The following NOL4 variants were observed in gnomAD, a reference collection of about 807,000 sequenced individuals.
NOL4 encodes nucleolar protein 4.
In NOL4, 17 loss-of-function variants were observed where a neutral mutation model predicts 75.9. That is an observed-to-expected ratio of 0.22 (90% CI 0.15 to 0.34). NOL4 has a LOEUF of 0.34. NOL4 is among the 10% of genes least tolerant of loss of function. The pLI is 1.00. For missense variants in NOL4, 614 were observed against 793.5 expected (o/e 0.77, Z 2.72); for synonymous variants, 292 against 289.9 (o/e 1.01, Z -0.07).
At chr18:33,983,841 C>T (rs2072200189) in intron 6 of NOL4, among the ~76,000 whole-genome samples, 1 of 151,834 alleles carries the variant, frequency 6.6e-6, no homozygotes, top group Non-Finnish European at 1.5e-5. Context: ...TTGAATCATA[C>T]AGACTTGTTA....
At chr18:34,030,052 A>G (rs2075558238) in intron 5 of NOL4, among the ~76,000 whole-genome samples, 2 of 152,342 alleles carry the variant, frequency 1.3e-5, no homozygotes, top group South Asian at 2.1e-4. Flanking sequence ...TCTGTGCTTC[A>G]GAAAATAAAC....
intron 5 of NOL4, among the ~76,000 whole-genome samples, chr18:34,038,056 A>G (rs1361178512): frequency 2.0e-5 from 3 of 152,100 alleles, no homozygotes; most frequent in African/African-American, 7.2e-5. Context: ...AAAAAAACAA[A>G]TAATGTCTTA....
intron 9 of NOL4, among the ~76,000 whole-genome samples, chr18:33,940,253 G>A (rs1272844725): frequency 6.6e-6 from 1 of 152,054 alleles, no homozygotes; most frequent in Non-Finnish European, 1.5e-5. Context: ...ACATGCACAT[G>A]TATATTTATT....
chr18:34,168,185 T>C (rs2032623401), intron 1 of NOL4, among the ~76,000 whole-genome samples: 1 of 151,752 alleles, frequency 6.6e-6, no homozygotes, highest in Admixed American at 6.6e-5. Flanking sequence ...AATGAACCTG[T>C]AGAATACCCA....
At chr18:33,948,599 G>A (rs998840996) in intron 8 of NOL4, among the ~76,000 whole-genome samples, 4 of 151,846 alleles carry the variant, frequency 2.6e-5, no homozygotes, top group Admixed American at 2.6e-4. Flanking sequence ...CATCCTGCTA[G>A]GTATCACTAT....
chr18:33,861,939 C>A (rs530510882), intron 10 of NOL4, among the ~76,000 whole-genome samples: 2 of 151,996 alleles, frequency 1.3e-5, no homozygotes, highest in East Asian at 3.9e-4. Context: ...CATATGGAAC[C>A]AAAAAAGAGC....
At chr18:34,184,258 T>C (rs2034283023) in intron 1 of NOL4, among the ~76,000 whole-genome samples, 1 of 151,888 alleles carries the variant, frequency 6.6e-6, no homozygotes, top group African/African-American at 2.4e-5. Context: ...TAATTATTTA[T>C]ATCATTGTTA....
chr18:34,201,310 G>A (rs993710001), intron 1 of NOL4, among the ~76,000 whole-genome samples: 11 of 151,696 alleles, frequency 7.3e-5, no homozygotes, highest in Non-Finnish European at 1.3e-4. Context: ...ACCATCTTCT[G>A]TATGTAGATA....
At chr18:33,957,769 G>T (rs778249146) in intron 7 of NOL4, among the ~76,000 whole-genome samples, 2 of 152,064 alleles carry the variant, frequency 1.3e-5, no homozygotes, top group Non-Finnish European at 2.9e-5. Context: ...AGACTATCGT[G>T]TAGAAAAAAA....
intron 1 of NOL4, among the ~76,000 whole-genome samples, chr18:34,207,336 T>A (rs1197352856): frequency 1.3e-5 from 2 of 152,082 alleles, no homozygotes; most frequent in African/African-American, 2.4e-5. Flanking sequence ...AGAAAAAAAA[T>A]ATTATATTTG....
intron 1 of NOL4, among the ~76,000 whole-genome samples, chr18:34,159,585 C>G (rs1314685083): frequency 6.6e-6 from 1 of 152,204 alleles, no homozygotes; most frequent in East Asian, 1.9e-4. Flanking sequence ...TGAGAGTCCC[C>G]TAGAGAGCAG....
intron 9 of NOL4, among the ~76,000 whole-genome samples, chr18:33,934,124 T>C (rs1003303874): frequency 1.3e-5 from 2 of 152,038 alleles, no homozygotes; most frequent in Non-Finnish European, 2.9e-5. Context: ...GCATTGTCAA[T>C]GAGCAGCAAT....
At chr18:34,053,262 C>T (rs2076697933) in intron 5 of NOL4, among the ~76,000 whole-genome samples, 1 of 151,806 alleles carries the variant, frequency 6.6e-6, no homozygotes, top group South Asian at 2.1e-4. Context: ...TTTGCATACT[C>T]TTAAATTGCC....
intron 10 of NOL4, among the ~76,000 whole-genome samples, chr18:33,868,348 C>T (rs1434330151): frequency 3.3e-5 from 5 of 151,804 alleles, no homozygotes; most frequent in Non-Finnish European, 5.9e-5. Flanking sequence ...AAATGTTAAT[C>T]TCATACAGAA....
chr18:34,047,972 C>T (rs933210181), intron 5 of NOL4, among the ~76,000 whole-genome samples: 1 of 152,112 alleles, frequency 6.6e-6, no homozygotes, highest in Non-Finnish European at 1.5e-5. Flanking sequence ...AAAAACCACA[C>T]CACTTGCATA....
intron 1 of NOL4, among the ~76,000 whole-genome samples, chr18:34,180,688 A>T (rs2033962981): frequency 6.6e-6 from 1 of 151,544 alleles, no homozygotes; most frequent in Admixed American, 6.6e-5. Context: ...TGCAGATGAC[A>T]TGATCTTGTA....
At chr18:34,079,409 C>G (rs537219060) in intron 5 of NOL4, among the ~76,000 whole-genome samples, 174 of 151,932 alleles carry the variant, frequency 1.1e-3, no homozygotes, top group Admixed American at 1.4e-3. Context: ...CCTTGCCACC[C>G]CATCCTAGGC....
chr18:33,958,193 T>A, intron 7 of NOL4, 46 bp downstream of exon 7: 1 of 1,494,834 alleles, frequency 6.7e-7, no homozygotes, highest in South Asian at 1.2e-5. Context: ...AACATGAAAG[T>A]GAAGTGGTAA....
chr18:33,886,034 T>G (rs566872686), intron 9 of NOL4, among the ~76,000 whole-genome samples: 5 of 152,178 alleles, frequency 3.3e-5, no homozygotes, highest in African/African-American at 1.2e-4. Context: ...TGGATGAAAC[T>G]GGAGATAATT....
Sources: allele counts gnomAD v4.1 joint callset (sites outside exome capture counted in the v4.1 genomes callset), GRCh38; gene constraint gnomAD v4.1.1; transcripts MANE v1.5; gene names NCBI Gene and HGNC (gene_info 2026-07-23, HGNC 2026-07-21).